Variants in MZT2A observed in about 807,000 individuals in gnomAD.
The protein encoded by MZT2A is mitotic-spindle organizing protein 2A.
Under a neutral mutation model 12.4 loss-of-function variants are expected in MZT2A, and 8 were observed. The ratio of observed to expected loss-of-function variants is 0.64; its 90% CI spans 0.38 to 1.16. The LOEUF (loss-of-function observed/expected upper bound fraction) is 1.16. Among genes scored for constraint, MZT2A ranks in the 50% most tolerant of loss-of-function variants. The pLI is 0.01. For synonymous variants in MZT2A, 88 were observed against 107.5 expected (o/e 0.82, Z 1.12); for missense variants, 181 against 223.6 (o/e 0.81, Z 1.22).
downstream of MZT2A, chr2:131,479,935 T>C (rs879461096): frequency 9.0e-6 from 12 of 1,331,144 alleles, no homozygotes; most frequent in Non-Finnish European, 1.2e-5. Flanking sequence ...TGCTTCAAAG[T>C]GTACTGCATG....
chr2:131,482,759 C>T (rs147030351), downstream of MZT2A: 612 of 1,614,114 alleles, frequency 3.8e-4, 2 homozygotes, highest in African/African-American at 5.7e-3. Flanking sequence ...CTCTGAGGCC[C>T]GCGAGGACCT....
At chr2:131,487,816 G>A (rs1679116482) in intron 2 of MZT2A, among the ~76,000 whole-genome samples, 1 of 152,218 alleles carries the variant, frequency 6.6e-6, no homozygotes, top group Non-Finnish European at 1.5e-5. Context: ...ACCCAGGCTG[G>A]AGTGCAGTGG....
chr2:131,482,655 C>A, downstream of MZT2A: 1 of 1,614,202 alleles, frequency 6.2e-7, no homozygotes, highest in Non-Finnish European at 8.5e-7. Flanking sequence ...ATTGCGGAGG[C>A]CTGGGCCCGC....
At chr2:131,490,425 C>A (rs1028104699) in intron 2 of MZT2A, 1 of 1,270,880 alleles carries the variant, frequency 7.9e-7, no homozygotes. Context: ...GGCTGGCTGT[C>A]TTCCCCTGGA....
chr2:131,490,085 G>A, intron 2 of MZT2A: 4 of 800,140 alleles, frequency 5.0e-6, no homozygotes, highest in Non-Finnish European at 6.0e-6. Flanking sequence ...TTGGGCCTGA[G>A]CTCTGGGTGG....
chr2:131,492,393 A>G lies in MZT2A; in HGVS notation c.-17T>C. ...CGCCGCCATCCGCGAGGCCCGCCGA[A>G]AGGTGCGCCCCGCCCCGCCGCGCCC... On this transcript the variant is annotated 5_prime_UTR_variant, in exon 1 of 3. Coordinates refer to ENST00000309451, the MANE Select transcript of MZT2A (RefSeq NM_001085365.2). 7.8e-7 allele frequency: 1 copy of G among 1,283,670 alleles called. No individual in the cohort carries two copies. Among genetic ancestry groups the G allele is most frequent in the Non-Finnish European group, 9.8e-7 (1 of 1,024,020 alleles). The allele number at this position is 1,283,670 out of a possible 1,614,324, so 79.5% of individuals were successfully genotyped here.
intron 2 of MZT2A, chr2:131,478,378 C>T: frequency 6.2e-7 from 1 of 1,612,830 alleles, no homozygotes; most frequent in Non-Finnish European, 8.5e-7. Context: ...CTGGAGCCCA[C>T]TGTGGTCGGT....
At chr2:131,476,120 G>A in intron 2 of MZT2A, 1 of 1,610,334 alleles carries the variant, frequency 6.2e-7, no homozygotes, top group Non-Finnish European at 8.5e-7. Context: ...ACAGGCAGGA[G>A]GTTGCAGTTG....
At chr2:131,488,012 C>T (rs568783307) in intron 2 of MZT2A, among the ~76,000 whole-genome samples, 13 of 152,308 alleles carry the variant, frequency 8.5e-5, no homozygotes, top group Non-Finnish European at 7.3e-5. Context: ...AGAGATCCAG[C>T]AGCCTCGGCC....
At chr2:131,472,974 G>T (rs1349309430) in intron 2 of MZT2A, among the ~76,000 whole-genome samples, 1 of 151,862 alleles carries the variant, frequency 6.6e-6, no homozygotes, top group African/African-American at 2.4e-5. Context: ...GTTGGGGACA[G>T]GGCCTATAAG....
chr2:131,474,204 C>T (rs1274443556), intron 2 of MZT2A, among the ~76,000 whole-genome samples: 3 of 146,438 alleles, frequency 2.0e-5, no homozygotes, highest in Non-Finnish European at 4.5e-5. Context: ...TTCATGCCAT[C>T]CTCCTGCCTC....
upstream of MZT2A, chr2:131,493,276 C>G (rs1214413043): frequency 8.3e-5 from 111 of 1,332,804 alleles, 1 homozygote; most frequent in South Asian, 2.2e-3. Flanking sequence ...GCCGGGCAGG[C>G]TGGGGAGTGG....
At position 131,484,268 on chromosome 2, in the gene MZT2A, GCAGCA is replaced by G. The variant is rs757957127; in HGVS notation, c.320-55_320-51del. 11 of 1,595,042 alleles carry G rather than the reference GCAGCA, an allele frequency of 6.9e-6. No individual in the cohort carries two copies. In the South Asian group the frequency reaches 1.2e-4, roughly 18 times the overall value. On this transcript the variant is annotated intron_variant, in intron 2 of 2. Coordinates refer to ENST00000309451, the MANE Select transcript of MZT2A (RefSeq NM_001085365.2). The stretch of plus-strand genomic sequence containing the variant: ...TTAGGAATGGACGCGCCCCATAAAT[GCAGCA>G]CCTGCTGTACTCGTGCTCCTTGGGC...
At chr2:131,484,324 CAA>C (rs1491235619) in intron 2 of MZT2A, 106 bp from the exon 3 acceptor site, 1 of 1,515,346 alleles carries the variant, frequency 6.6e-7, no homozygotes, top group Non-Finnish European at 8.9e-7. Context: ...ACATTTCCAT[CAA>C]AGTCGCTTCA....
At chr2:131,485,093 C>T (rs1161061566) in intron 2 of MZT2A, among the ~76,000 whole-genome samples, 2 of 152,198 alleles carry the variant, frequency 1.3e-5, no homozygotes, top group African/African-American at 4.8e-5. Context: ...CGTGGGGTCA[C>T]AGCCCCCCAT....
At chr2:131,478,170 T>C (rs1160442231) in intron 2 of MZT2A, 20 of 1,613,160 alleles carry the variant, frequency 1.2e-5, no homozygotes, top group Non-Finnish European at 1.6e-5. Context: ...ACAGCGCGAG[T>C]GTATCTCTAT....
intron 2 of MZT2A, chr2:131,478,645 C>G (rs540395239): frequency 5.8e-6 from 4 of 687,852 alleles, no homozygotes; most frequent in South Asian, 4.2e-5. Flanking sequence ...TTCCCTCGTG[C>G]GTGCCTCAGC....
At chr2:131,490,845 A>G in intron 2 of MZT2A, 1 of 1,549,978 alleles carries the variant, frequency 6.5e-7, no homozygotes, top group Non-Finnish European at 8.7e-7. Context: ...GAGGAAAACG[A>G]GGGCCTTGCA....
At chr2:131,489,811 C>A in intron 2 of MZT2A, 1 of 931,664 alleles carries the variant, frequency 1.1e-6, no homozygotes, top group African/African-American at 1.8e-5. Flanking sequence ...GCACACTGGT[C>A]TCACTGGTGG....
Sources: gnomAD v4.1 joint callset for allele counts (sites outside exome capture counted in the v4.1 genomes callset) on GRCh38, gnomAD v4.1.1 for gene constraint, MANE v1.5 for transcripts, NCBI Gene and HGNC (gene_info 2026-07-23, HGNC 2026-07-21) for gene names.